DOCK10: variants seen among roughly 807,000 people sequenced by gnomAD.
DOCK10 encodes dedicator of cytokinesis protein 10.
In DOCK10, 145 loss-of-function variants were observed where a neutral mutation model predicts 280.1. The observed-to-expected ratio is 0.52, with a 90% CI of 0.45 to 0.59. The LOEUF (loss-of-function observed/expected upper bound fraction) is 0.59. DOCK10 is among the 20% of genes least tolerant of loss of function. The probability of loss-of-function intolerance (pLI) is 0.00; values close to 1 mark genes in which losing one functional copy is unlikely to be tolerated. For missense variants in DOCK10, 2,368 were observed against 2,651.7 expected (o/e 0.89, Z 2.35); for synonymous variants, 915 against 942.2 (o/e 0.97, Z 0.53).
chr2:224,962,275 AG>A (rs1399757717), intron 1 of DOCK10, among the ~76,000 whole-genome samples: 1 of 152,246 alleles, frequency 6.6e-6, no homozygotes, highest in African/African-American at 2.4e-5. Flanking sequence ...ACACATAATT[AG>A]GTATGTAGCA....
intron 51 of DOCK10, among the ~76,000 whole-genome samples, chr2:224,777,203 TTAATG>T (rs144307103): frequency 3.4e-4 from 52 of 152,288 alleles, no homozygotes; most frequent in Non-Finnish European, 4.1e-4. Flanking sequence ...TGTTCAAAGG[TTAATG>T]TAATGTAATG....
chr2:224,961,412 C>CTTTCTCTTTCTTTCTT (rs57668925), intron 1 of DOCK10, among the ~76,000 whole-genome samples: 2 of 119,382 alleles, frequency 1.7e-5, no homozygotes, highest in African/African-American at 6.7e-5. Context: ...TTCTTTCTTT[C>CTTTCTCTTTCTTTCTT]TCTTTCTTTC....
intron 11 of DOCK10, among the ~76,000 whole-genome samples, chr2:224,869,825 C>T (rs947274351): frequency 1.4e-4 from 21 of 152,112 alleles, no homozygotes; most frequent in East Asian, 5.8e-4. Context: ...AAGGAATTCA[C>T]GTGGAAGGAG....
chr2:224,844,647 T>C (rs1233564095), intron 22 of DOCK10, 106 bp downstream of exon 22: 10 of 760,716 alleles, frequency 1.3e-5, no homozygotes, highest in Non-Finnish European at 2.0e-5. Context: ...AACACCTGCC[T>C]TTCTGACACT....
intron 3 of DOCK10, among the ~76,000 whole-genome samples, chr2:224,908,184 A>ATG (rs71062966): frequency 0.18 from 27,256 of 148,352 alleles, 2,541 homozygotes; most frequent in Non-Finnish European, 0.2. Context: ...GTGTGTGTGT[A>ATG]TGTGTGTGTG....
rs752888573 is a variant in DOCK10 at position 224,795,089 on chromosome 2, G to T, written c.4944C>A (p.Ser1648Arg). Reference protein sequence around the residue: ...FANGDKQMKNSNFPAEVKDLT... With the variant: ...FANGDKQMKNRNFPAEVKDLT... ...GGTCCTTCACCTCTGCTGGGAAATT[G>T]CTGTTCTTTGGAAAAGAGAGAGCCT... The change falls in exon 45 of 56, where the codon AGC becomes AGA. Residue 1648 changes from serine to arginine, a missense_variant. Physicochemically the swap from Ser to Arg is moderately radical, Grantham distance 110 (BLOSUM62 -1). Transcript: ENST00000258390. 10 of 1,613,674 alleles carry T rather than the reference G, an allele frequency of 6.2e-6. No individual in the cohort carries two copies. In the South Asian group the frequency reaches 9.9e-5, roughly 16 times the overall value.
chr2:224,847,402 A>G (rs1183250889), intron 19 of DOCK10, among the ~76,000 whole-genome samples: 3 of 152,166 alleles, frequency 2.0e-5, no homozygotes, highest in African/African-American at 4.8e-5. Context: ...ATCACTTTGC[A>G]TTGGAACTCC....
chr2:224,956,589 G>A lies in DOCK10; in HGVS notation c.124-24921C>T, dbSNP rs184303591. ...CAGTGAGCCGAGATTGCACCACTGC[G>A]CTCCAGCCTGGGCAACAGGGCGAGA... On this transcript the variant is annotated intron_variant, in intron 1 of 55. Transcript: ENST00000258390. Among the ~76,000 whole-genome samples, 1,367 of 138,668 alleles carry A rather than the reference G, an allele frequency of 9.9e-3. 19 individuals are homozygous for A. The highest frequency in any genetic ancestry group is 0.033 in the South Asian group (149 of 4,470). 91.0% of individuals were successfully genotyped at this position (138,668 alleles called of 152,430 possible).
chr2:224,898,158 A>AGAAAGGTG (rs1700090224), intron 3 of DOCK10, among the ~76,000 whole-genome samples: 1 of 152,198 alleles, frequency 6.6e-6, no homozygotes, highest in African/African-American at 2.4e-5. Flanking sequence ...TGCACATCAT[A>AGAAAGGTG]GAAAGGTGGA....
At chr2:225,041,853 C>T (rs1690436107) in intron 1 of DOCK10, among the ~76,000 whole-genome samples, 1 of 152,158 alleles carries the variant, frequency 6.6e-6, no homozygotes, top group Non-Finnish European at 1.5e-5. Flanking sequence ...CGCAGACCTC[C>T]GGACTCAGGG....
intron 29 of DOCK10, among the ~76,000 whole-genome samples, chr2:224,819,062 C>A (rs1269189972): frequency 6.6e-6 from 1 of 152,156 alleles, no homozygotes; most frequent in Non-Finnish European, 1.5e-5. Context: ...CCAGCGTATA[C>A]CCCTATTTGG....
intron 3 of DOCK10, among the ~76,000 whole-genome samples, chr2:224,908,279 T>G (rs1163588945): frequency 6.6e-6 from 1 of 151,810 alleles, no homozygotes; most frequent in Non-Finnish European, 1.5e-5. Flanking sequence ...CATTTAGTCT[T>G]GGGTCCTGTT....
chr2:224,919,013 A>G (rs954189815), intron 2 of DOCK10, among the ~76,000 whole-genome samples: 5 of 128,828 alleles, frequency 3.9e-5, no homozygotes, highest in East Asian at 5.0e-4. Context: ...TGTGTGATGT[A>G]TATACGCACA....
At chr2:224,864,502 T>C in intron 13 of DOCK10, 51 bp downstream of exon 13, 2 of 1,465,094 alleles carry the variant, frequency 1.4e-6, no homozygotes, top group Non-Finnish European at 1.8e-6. Flanking sequence ...AGGGAGAGAC[T>C]CTATTAAAAA....
At chr2:225,041,948 G>A (rs897302323) in intron 1 of DOCK10, among the ~76,000 whole-genome samples, 3 of 152,120 alleles carry the variant, frequency 2.0e-5, no homozygotes, top group Admixed American at 1.3e-4. Context: ...GGTGCATTCC[G>A]GCCCCCTCGC....
chr2:224,765,671 C>A lies in DOCK10; in HGVS notation c.*50G>T, dbSNP rs372710059. 1.5e-6 allele frequency: 2 copies of A among 1,290,952 alleles called. No homozygotes were observed. Among genetic ancestry groups the A allele is most frequent in the Admixed American group, 1.9e-5 (1 of 52,652 alleles). The allele number at this position is 1,290,952 out of a possible 1,614,324, so 80.0% of individuals were successfully genotyped here. A position where few individuals can be genotyped will look rare whatever the true frequency, so the allele number is the denominator to read the frequency against. ...CTATCTTTCTCTTCCCCGAGATTAG[C>A]TGCAAATTCAGAAAGTTCTCTTAGA... On this transcript the variant is annotated 3_prime_UTR_variant, in exon 56 of 56. Coordinates refer to ENST00000258390, the MANE Select transcript of DOCK10 (RefSeq NM_014689.3).
intron 4 of DOCK10, among the ~76,000 whole-genome samples, chr2:224,893,962 G>A (rs922153386): frequency 6.6e-6 from 1 of 152,188 alleles, no homozygotes; most frequent in African/African-American, 2.4e-5. Context: ...TCATTTTAAA[G>A]AATAATTCTG....
chr2:224,966,727 G>T (rs534021612), intron 1 of DOCK10, among the ~76,000 whole-genome samples: 16 of 152,182 alleles, frequency 1.1e-4, no homozygotes, highest in African/African-American at 1.4e-4. Flanking sequence ...GTGACAAAGA[G>T]AGTAATGGGC....
In DOCK10 at chr2:224,793,419, T is replaced by C. The variant is rs756212962; in HGVS notation, c.5193A>G (p.Ala1731=). ...TCTTACCCTTTCTTTTCAGATACTC[T>C]GCAATGAGAGCAGCAATATGGATGT... The part of the protein sequence containing the change: ...MCYIHIAALI[A]EYLKRKGYWK... Residue 1731 remains alanine (A), a synonymous_variant, in exon 46 of 56, where the codon GCA becomes GCG. Coordinates refer to ENST00000258390, the MANE Select transcript of DOCK10 (RefSeq NM_014689.3). The C allele has an allele frequency of 6.2e-7, 1 of 1,613,592 alleles. No homozygotes were observed. The highest frequency in any genetic ancestry group is 8.5e-7 in the Non-Finnish European group (1 of 1,179,674).
Sources: allele counts gnomAD v4.1 joint callset (sites outside exome capture counted in the v4.1 genomes callset), GRCh38; gene constraint gnomAD v4.1.1; transcripts MANE v1.5; gene names NCBI Gene and HGNC (gene_info 2026-07-23, HGNC 2026-07-21).